Variants in ITPR1 observed in about 807,000 individuals in gnomAD.
ITPR1 encodes the protein inositol 1,4,5-trisphosphate receptor type 1.
In ITPR1, 96 loss-of-function variants were observed where a neutral mutation model predicts 318.4. The observed-to-expected ratio is 0.30, with a 90% confidence interval of 0.26 to 0.36. ITPR1 has a LOEUF of 0.36. Among genes scored for constraint, ITPR1 ranks in the 10% least tolerant of loss-of-function variants. ITPR1 has a pLI of 1.00. For synonymous variants in ITPR1, 1,312 were observed against 1,289.9 expected, an observed-to-expected ratio of 1.02 and a Z score of -0.37; for missense variants, 2,440 against 3,460.2, an observed-to-expected ratio of 0.71 and a Z score of 7.40.
intron 42 of ITPR1, among the ~76,000 whole-genome samples, chr3:4,730,370 AATGT>A (rs1229168494): frequency 0.012 from 1,083 of 91,560 alleles, 7 homozygotes; most frequent in Admixed American, 0.016. Flanking sequence ...TGTTGGGTGG[AATGT>A]GTGTGTGTGT....
intron 16 of ITPR1, among the ~76,000 whole-genome samples, chr3:4,664,850 G>T (rs2125196149): frequency 6.6e-6 from 1 of 152,346 alleles, no homozygotes; most frequent in South Asian, 2.1e-4. Flanking sequence ...ATAAAGGCTT[G>T]TGTTTCCACC....
rs2049049192 is a variant in ITPR1, at chr3:4,813,152, G to C, written c.7479G>C (p.Glu2493Asp). The C allele has an allele frequency of 6.2e-7, 1 of 1,613,840 alleles. No homozygotes were observed. Among genetic ancestry groups the C allele is most frequent in the Admixed American group, 1.7e-5 (1 of 60,000 alleles). Residue 2493 changes from glutamate (E) to aspartate (D), a missense_variant, in exon 57 of 62, where the codon GAG becomes GAC. Around this residue, in one of 23 missense-constraint regions of ITPR1, gnomAD observed 88 missense variants for 90.5 expected, o/e 0.97. Coordinates refer to ENST00000649015, the MANE Select transcript of ITPR1 (RefSeq NM_001378452.1). ...PNETAVPETG[E>D]SLASEFLFSD... ...CCTTCTCTCTCCCAGAAACCGGCGA[G>C]AGTTTGGCAAGCGAGTTCCTGTTCT...
chr3:4,511,449 T>A (rs985753488), intron 2 of ITPR1, among the ~76,000 whole-genome samples: 2 of 152,222 alleles, frequency 1.3e-5, no homozygotes, highest in Non-Finnish European at 2.9e-5. Flanking sequence ...TACCTTTCTT[T>A]GCCTTGGCCA....
At chr3:4,578,286 T>C (rs946485437) in intron 4 of ITPR1, among the ~76,000 whole-genome samples, 11 of 152,190 alleles carry the variant, frequency 7.2e-5, no homozygotes, top group African/African-American at 2.7e-4. Flanking sequence ...TTTTTTATTT[T>C]TTGGTTTCTA....
rs1576019593 is a variant in ITPR1 at position 4,670,841 on chromosome 3, G to A, written c.2119G>A (p.Glu707Lys). Residue 707 changes from glutamate (E) to lysine (K), a missense_variant, in exon 20 of 62, where the codon GAG becomes AAG. Glu to Lys is a moderately conservative substitution (Grantham distance 56). This residue lies in a region of ITPR1 where 478 missense variants were observed against 696.3 expected (regional missense o/e 0.69). Transcript: ENST00000649015. ...VWLFWRDSNK[E>K]IRSKSVRELA... is the part of the protein sequence containing the mutation. ...GCTGTTTTGGAGGGACAGCAACAAA[G>A]AGATTCGCAGCAAGAGTGTGAGGGA... 1 of 1,611,214 alleles carries A rather than the reference G, an allele frequency of 6.2e-7. No individual in the cohort carries two copies. The highest frequency in any genetic ancestry group is 1.7e-4 in the Middle Eastern group (1 of 6,058).
intron 44 of ITPR1, chr3:4,750,497 A>G (rs927952743): frequency 6.6e-6 from 1 of 152,162 alleles, no homozygotes; most frequent in Non-Finnish European, 1.5e-5. Context: ...CTCCTTGCTC[A>G]CTATCTGCAG....
intron 44 of ITPR1, among the ~76,000 whole-genome samples, chr3:4,739,582 A>G (rs1386467236): frequency 6.6e-6 from 1 of 152,184 alleles, no homozygotes; most frequent in Non-Finnish European, 1.5e-5. Flanking sequence ...GGAGGTTATG[A>G]CTTACTCAGA....
At chr3:4,829,279 C>CA (rs1201682785) in intron 60 of ITPR1, among the ~76,000 whole-genome samples, 3 of 152,192 alleles carry the variant, frequency 2.0e-5, no homozygotes, top group Non-Finnish European at 4.4e-5. Flanking sequence ...TTTCTACTGA[C>CA]ACACTAATGT....
At chr3:4,737,001 G>A (rs1312222269) in intron 44 of ITPR1, among the ~76,000 whole-genome samples, 1 of 152,198 alleles carries the variant, frequency 6.6e-6, no homozygotes, top group Non-Finnish European at 1.5e-5. Context: ...AATGGATTCA[G>A]GTTGAAGACC....
intron 55 of ITPR1, among the ~76,000 whole-genome samples, chr3:4,807,414 C>A (rs777062163): frequency 1.3e-5 from 2 of 152,174 alleles, no homozygotes; most frequent in African/African-American, 4.8e-5. Context: ...CTTCGCTTAA[C>A]GTACTTGACT....
chr3:4,505,654 T>C (rs908892370), intron 2 of ITPR1, among the ~76,000 whole-genome samples: 1 of 152,248 alleles, frequency 6.6e-6, no homozygotes, highest in Non-Finnish European at 1.5e-5. Flanking sequence ...GGCTCCATTT[T>C]TTAGCAGAAG....
In ITPR1 at chr3:4,817,256, G is replaced by C. The variant is rs2049363846; in HGVS notation, c.7868-826G>C. ...CTGGAGAAAGGTATTTAGAAGCCAA[G>C]ATCTGGGGACTGAGTGTGCTCATTC... On this transcript the variant is annotated intron_variant, in intron 59 of 61. Coordinates refer to ENST00000649015, the MANE Select transcript of ITPR1 (RefSeq NM_001378452.1). Among the ~76,000 whole-genome samples the C allele has an allele frequency of 2.6e-5, 4 of 152,252 alleles. No individual in the cohort carries two copies. In the South Asian group the frequency reaches 8.3e-4, roughly 32 times the overall value.
intron 44 of ITPR1, among the ~76,000 whole-genome samples, chr3:4,764,781 G>A (rs543655933): frequency 1.3e-5 from 2 of 152,302 alleles, no homozygotes; most frequent in Admixed American, 6.5e-5. Context: ...AGGGGTAAAA[G>A]GCTATTTAGT....
chr3:4,738,231 AC>A (rs532821100), intron 44 of ITPR1, among the ~76,000 whole-genome samples: 6 of 152,332 alleles, frequency 3.9e-5, no homozygotes, highest in South Asian at 2.1e-4. Context: ...AAGAAAAAAA[AC>A]AACAACTCAG....
intron 60 of ITPR1, among the ~76,000 whole-genome samples, chr3:4,821,553 T>TTCG (rs2049719290): frequency 6.6e-6 from 1 of 152,206 alleles, no homozygotes; most frequent in East Asian, 1.9e-4. Context: ...CCAGGCTGAC[T>TTCG]TGGAAAGAAT....
At chr3:4,603,481 G>A (rs369584858) in intron 4 of ITPR1, among the ~76,000 whole-genome samples, 1 of 152,100 alleles carries the variant, frequency 6.6e-6, no homozygotes, top group African/African-American at 2.4e-5. Flanking sequence ...CCAGGCTGGA[G>A]TGCAGTGGTG....
chr3:4,836,960 T>C (rs757958397), intron 61 of ITPR1, 25 bp downstream of exon 61: 5 of 1,543,386 alleles, frequency 3.2e-6, no homozygotes, highest in South Asian at 1.2e-5. Flanking sequence ...TCCCAGCGCC[T>C]ACCCTCCCAT....
In ITPR1 at chr3:4,676,179, C is replaced by CAA. The variant is rs5846331; in HGVS notation, c.2780-420_2780-419dup. On this transcript the variant is annotated intron_variant, in intron 23 of 61. Coordinates refer to ENST00000649015, the MANE Select transcript of ITPR1 (RefSeq NM_001378452.1). ...CAATATAGAGAGAACCTATCTCTAC[C>CAA]AAAAAAAAAAAAAAAATTAGCTGGG... Among the ~76,000 whole-genome samples, 69 of 134,854 alleles carry CAA rather than the reference C, an allele frequency of 5.1e-4. 1 individual carries two copies. Among genetic ancestry groups the CAA allele is most frequent in the South Asian group, 2.1e-3 (9 of 4,220 alleles). 88.5% of individuals were successfully genotyped at this position (134,854 alleles called of 152,430 possible).
chr3:4,688,389 C>T, intron 30 of ITPR1, 106 bp from the exon 31 acceptor site: 1 of 1,393,652 alleles, frequency 7.2e-7, no homozygotes, highest in South Asian at 1.3e-5. Flanking sequence ...CAACAGGTCC[C>T]CAGCAAACAC....
Sources: allele counts gnomAD v4.1 joint callset (sites outside exome capture counted in the v4.1 genomes callset), GRCh38; gene constraint gnomAD v4.1.1; regional missense constraint gnomAD v4.1.1; transcripts MANE v1.5; gene names NCBI Gene and HGNC (gene_info 2026-07-23, HGNC 2026-07-21).